Variants in MAP7 observed in about 807,000 individuals in gnomAD.
MAP7 encodes ensconsin.
In MAP7, 52 loss-of-function variants were observed where a neutral mutation model predicts 94.8. The ratio of observed to expected loss-of-function variants is 0.55; its 90% CI spans 0.44 to 0.69. The LOEUF is 0.69. Ranked by LOEUF, MAP7 falls within the 30% of genes least tolerant of loss-of-function variation. The pLI is 0.00. For missense variants in MAP7, 940 were observed against 964.6 expected, an observed-to-expected ratio of 0.97 and a Z score of 0.34; for synonymous variants, 350 against 357.0, an observed-to-expected ratio of 0.98 and a Z score of 0.22.
chr6:136,523,231 C>T (rs1562485919), intron 1 of MAP7, among the ~76,000 whole-genome samples: 1 of 152,120 alleles, frequency 6.6e-6, no homozygotes, highest in Non-Finnish European at 1.5e-5. Context: ...GCTGTCTGCT[C>T]CTTGATGTTC....
chr6:136,376,731 T>C (rs1776268632), intron 7 of MAP7, among the ~76,000 whole-genome samples: 1 of 152,216 alleles, frequency 6.6e-6, no homozygotes, highest in Admixed American at 6.5e-5. Flanking sequence ...TTGGTTTTCA[T>C]AAGAAGGTTG....
intron 3 of MAP7, among the ~76,000 whole-genome samples, chr6:136,394,957 T>TC (rs1781974287): frequency 2.5e-5 from 3 of 120,620 alleles, no homozygotes; most frequent in African/African-American, 1.0e-4. Context: ...TATATATATA[T>TC]ATATATATAT....
At chr6:136,475,042 CA>C (rs1810417518) in intron 1 of MAP7, among the ~76,000 whole-genome samples, 1 of 152,106 alleles carries the variant, frequency 6.6e-6, no homozygotes, top group African/African-American at 2.4e-5. Context: ...AATTACTTTC[CA>C]TGACAATAAA....
chr6:136,506,204 T>A (rs556809421), intron 1 of MAP7, among the ~76,000 whole-genome samples: 4 of 152,238 alleles, frequency 2.6e-5, no homozygotes, highest in African/African-American at 9.6e-5. Context: ...TATAACAATA[T>A]CAAATAGGGA....
intron 1 of MAP7, among the ~76,000 whole-genome samples, chr6:136,487,889 G>T (rs762334469): frequency 6.6e-6 from 1 of 152,106 alleles, no homozygotes; most frequent in Non-Finnish European, 1.5e-5. Context: ...ACATGGACAC[G>T]CACTTCATAC....
intron 1 of MAP7, among the ~76,000 whole-genome samples, chr6:136,520,990 T>C (rs1361413133): frequency 6.6e-6 from 1 of 152,156 alleles, no homozygotes; most frequent in Admixed American, 6.5e-5. Flanking sequence ...AAGCAATGAC[T>C]ACGGTAATGT....
chr6:136,550,317 C>A lies in MAP7; in HGVS notation c.67+25G>T. 1 of 1,494,808 alleles carries A rather than the reference C, an allele frequency of 6.7e-7. No homozygotes were observed. The highest frequency in any genetic ancestry group is 1.3e-5 in the South Asian group (1 of 78,966). 92.6% of individuals were successfully genotyped at this position (1,494,808 alleles called of 1,614,324 possible). On this transcript the variant is annotated intron_variant, in intron 1 of 17. Coordinates refer to ENST00000354570, the MANE Select transcript of MAP7 (RefSeq NM_003980.6). This position sits in a 1 kb window ranked among gnomAD's most constrained non-coding sequence, Gnocchi z 5.1. Reference sequence around the variant, plus strand: ...TCGCCGTCCCCTGCCCGACGGGACCCCCACTATCCCCGCTGTGCGGTCACC... The same window carrying A: ...TCGCCGTCCCCTGCCCGACGGGACCACCACTATCCCCGCTGTGCGGTCACC...
chr6:136,529,410 C>T lies in MAP7; in HGVS notation c.67+20932G>A, dbSNP rs551215575. 4.8e-4 allele frequency among the ~76,000 whole-genome samples: 73 copies of T among 152,144 alleles called. 1 individual carries two copies. Among genetic ancestry groups the T allele is most frequent in the Middle Eastern group, 3.4e-3 (1 of 294 alleles). On this transcript the variant is annotated intron_variant, in intron 1 of 17. Transcript: ENST00000354570. ...GCTGGGATTAAAGGTTATAAGCCAC[C>T]GCGCCCAGCCTCCTGAACTCTTCTC...
intron 1 of MAP7, among the ~76,000 whole-genome samples, chr6:136,468,884 G>A (rs534464348): frequency 6.6e-6 from 1 of 152,264 alleles, no homozygotes; most frequent in East Asian, 1.9e-4. Context: ...GCTGCCTGCT[G>A]ATGGGAAATG....
chr6:136,360,757 G>C lies in MAP7; in HGVS notation c.1743C>G (p.Val581=). The C allele has an allele frequency of 1.9e-6, 3 of 1,614,068 alleles. No homozygotes were observed. The highest frequency in any genetic ancestry group is 1.3e-5 in the African/African-American group (1 of 75,022). ...EARVREEAER[V]RQEREKHFQR... ...GGAAATGCTTCTCTCGTTCCTGCCG[G>C]ACCCTCTCTGCTTCTTCACGAACGC... Residue 581 remains valine, a synonymous_variant, in exon 13 of 18, where the codon GTC becomes GTG. Coordinates refer to ENST00000354570, the MANE Select transcript of MAP7 (RefSeq NM_003980.6).
chr6:136,372,744 TAGAG>T, intron 7 of MAP7, 119 bp from the exon 8 acceptor site: 1 of 1,285,770 alleles, frequency 7.8e-7, no homozygotes, highest in Non-Finnish European at 1.1e-6. Context: ...AAAGCAGAGA[TAGAG>T]AGAAAAGTAG....
intron 1 of MAP7, among the ~76,000 whole-genome samples, chr6:136,434,597 AAT>A (rs1795863987): frequency 6.8e-6 from 1 of 146,596 alleles, no homozygotes; most frequent in African/African-American, 2.5e-5. Context: ...CTAGGCAAGG[AAT>A]TTTTTTTTTT....
intron 1 of MAP7, among the ~76,000 whole-genome samples, chr6:136,504,361 TG>T (rs1013045722): frequency 1.3e-5 from 2 of 151,702 alleles, no homozygotes; most frequent in African/African-American, 2.4e-5. Context: ...GTTTTTTTTT[TG>T]GGGGGGAACA....
At chr6:136,507,773 C>T (rs1281627178) in intron 1 of MAP7, among the ~76,000 whole-genome samples, 1 of 152,126 alleles carries the variant, frequency 6.6e-6, no homozygotes, top group African/African-American at 2.4e-5. Context: ...ACTACTAGCC[C>T]TGATTTATGG....
chr6:136,397,732 C>A (rs1180831880), intron 3 of MAP7, among the ~76,000 whole-genome samples: 2 of 152,156 alleles, frequency 1.3e-5, no homozygotes, highest in African/African-American at 2.4e-5. Flanking sequence ...GCCTCCAGAG[C>A]TGTGAGAAAA....
At chr6:136,531,309 G>A (rs1268604987) in intron 1 of MAP7, among the ~76,000 whole-genome samples, 1 of 144,978 alleles carries the variant, frequency 6.9e-6, no homozygotes, top group Non-Finnish European at 1.5e-5. Context: ...TGCCCGGACT[G>A]TGTTTCTGTA....
rs1477271846 is a variant in MAP7, at chr6:136,411,645, TCGCTCCCGGGCCAGC to T, written c.204_218del (p.Leu69_Arg73del). ...CTAGCTGTTTCTCCCGTTCCTCACG[TCGCTCCCGGGCCAGC>T]CGCTGCCGGTCATCAACACGTAACA... On this transcript the variant is annotated inframe_deletion, in exon 3 of 18. Transcript: ENST00000354570. 1 of 1,562,578 alleles carries T rather than the reference TCGCTCCCGGGCCAGC, an allele frequency of 6.4e-7. No homozygotes were observed. Among genetic ancestry groups the T allele is most frequent in the Admixed American group, 1.9e-5 (1 of 53,266 alleles).
intron 3 of MAP7, among the ~76,000 whole-genome samples, chr6:136,402,928 A>G (rs1188278803): frequency 2.4e-4 from 36 of 146,974 alleles, no homozygotes; most frequent in East Asian, 2.2e-3. Flanking sequence ...AAAAAAAAAA[A>G]AAAAAAAAAA....
At chr6:136,367,624 A>C (rs1362061001) in intron 8 of MAP7, among the ~76,000 whole-genome samples, 1 of 152,176 alleles carries the variant, frequency 6.6e-6, no homozygotes. Context: ...GGGATTTCTA[A>C]ACAGAAAAAA....
Sources: allele counts gnomAD v4.1 joint callset (sites outside exome capture counted in the v4.1 genomes callset), GRCh38; gene constraint gnomAD v4.1.1; non-coding constraint Gnocchi (gnomAD v3.1); transcripts MANE v1.5; gene names NCBI Gene and HGNC (gene_info 2026-07-23, HGNC 2026-07-21).